The following BBS9 variants were observed in gnomAD, a reference collection of about 807,000 sequenced individuals.
BBS9 encodes protein PTHB1.
BBS9 carries 89 observed loss-of-function variants against 117.7 expected under a neutral mutation model. That is an observed-to-expected ratio of 0.76 (90% CI 0.64 to 0.90). The LOEUF is 0.90. BBS9 is among the 40% of genes least tolerant of loss of function. The pLI is 0.00. For missense variants in BBS9, 982 were observed against 1,042.2 expected, an observed-to-expected ratio of 0.94 and a Z score of 0.80; for synonymous variants, 379 against 370.9, an observed-to-expected ratio of 1.02 and a Z score of -0.25.
intron 19 of BBS9, among the ~76,000 whole-genome samples, chr7:33,403,567 T>C (rs1016148905): frequency 6.7e-6 from 1 of 149,656 alleles, no homozygotes; most frequent in African/African-American, 2.5e-5. Flanking sequence ...CATGTGGTGT[T>C]TGGTTTTTTG....
At chr7:33,306,332 A>C (rs1807948290) in intron 9 of BBS9, among the ~76,000 whole-genome samples, 3 of 152,008 alleles carry the variant, frequency 2.0e-5, no homozygotes, top group Non-Finnish European at 4.4e-5. Context: ...TAAGTCACAA[A>C]TCTATAATGA....
intron 9 of BBS9, among the ~76,000 whole-genome samples, chr7:33,313,446 T>C (rs1809753601): frequency 6.6e-6 from 1 of 152,218 alleles, no homozygotes; most frequent in East Asian, 1.9e-4. Flanking sequence ...TTTTCTTTTT[T>C]TCTGGTTAGC....
At chr7:33,539,979 A>C (rs1852021927) in intron 21 of BBS9, among the ~76,000 whole-genome samples, 1 of 152,174 alleles carries the variant, frequency 6.6e-6, no homozygotes. Context: ...GTACAGACTA[A>C]TTTTAGAAGT....
At chr7:33,369,543 C>T (rs1357732401) in intron 17 of BBS9, among the ~76,000 whole-genome samples, 1 of 152,130 alleles carries the variant, frequency 6.6e-6, no homozygotes, top group East Asian at 1.9e-4. Context: ...TGGAATAGGA[C>T]AGGACCTTTT....
chr7:33,153,139 A>T (rs190845881), intron 3 of BBS9, among the ~76,000 whole-genome samples: 183 of 152,350 alleles, frequency 1.2e-3, no homozygotes, highest in Admixed American at 3.8e-3. Context: ...GAAATAAATA[A>T]GAAGTATCTA....
At chr7:33,250,860 G>C (rs1197856991) in intron 5 of BBS9, among the ~76,000 whole-genome samples, 1 of 152,180 alleles carries the variant, frequency 6.6e-6, no homozygotes, top group Non-Finnish European at 1.5e-5. Flanking sequence ...ACAAAGATGA[G>C]TAAGATATGG....
At chr7:33,330,133 C>G (rs1481096585) in intron 9 of BBS9, among the ~76,000 whole-genome samples, 2 of 152,002 alleles carry the variant, frequency 1.3e-5, no homozygotes, top group African/African-American at 4.8e-5. Context: ...CCTGCCTCAG[C>G]CTCCCAAGTA....
chr7:33,205,627 T>A (rs1196885404), intron 5 of BBS9, among the ~76,000 whole-genome samples: 1 of 152,176 alleles, frequency 6.6e-6, no homozygotes, highest in Non-Finnish European at 1.5e-5. Flanking sequence ...GTTCATTGGT[T>A]ATGGGGAACT....
intron 18 of BBS9, among the ~76,000 whole-genome samples, chr7:33,385,846 T>A (rs1050940724): frequency 2.7e-5 from 4 of 149,600 alleles, no homozygotes; most frequent in African/African-American, 9.8e-5. Flanking sequence ...AAACTTTATT[T>A]AAAAATATTT....
chr7:33,484,819 T>C (rs1320423269), intron 19 of BBS9, among the ~76,000 whole-genome samples: 1 of 152,204 alleles, frequency 6.6e-6, no homozygotes, highest in Non-Finnish European at 1.5e-5. Context: ...ATATAACTCC[T>C]TCTGTTATAA....
At chr7:33,210,301 T>C (rs1238604240) in intron 5 of BBS9, among the ~76,000 whole-genome samples, 1 of 152,238 alleles carries the variant, frequency 6.6e-6, no homozygotes, top group Non-Finnish European at 1.5e-5. Flanking sequence ...AGAATCATTT[T>C]GTGACCTAAC....
At chr7:33,630,472 TG>T (rs1865837954) in intron 21 of BBS9, among the ~76,000 whole-genome samples, 1 of 152,196 alleles carries the variant, frequency 6.6e-6, no homozygotes, top group African/African-American at 2.4e-5. Context: ...CCAACTCAAT[TG>T]GATTACTAAA....
At chr7:33,572,616 C>T (rs1858002842) in intron 21 of BBS9, among the ~76,000 whole-genome samples, 1 of 152,044 alleles carries the variant, frequency 6.6e-6, no homozygotes, top group African/African-American at 2.4e-5. Context: ...TACTTTTTCT[C>T]ATTTTGATAA....
intron 1 of BBS9, among the ~76,000 whole-genome samples, chr7:33,143,067 T>G (rs186409162): frequency 1.4e-3 from 213 of 152,296 alleles, no homozygotes; most frequent in African/African-American, 5.0e-3. Flanking sequence ...CCTCCCAGGT[T>G]CATGGCATTC....
chr7:33,476,728 G>C (rs1841854305), intron 19 of BBS9, among the ~76,000 whole-genome samples: 1 of 152,246 alleles, frequency 6.6e-6, no homozygotes, highest in East Asian at 1.9e-4. Context: ...AAAATGGTTT[G>C]TTTTCTTGAT....
chr7:33,574,300 T>G (rs901192831), intron 21 of BBS9, among the ~76,000 whole-genome samples: 3 of 152,194 alleles, frequency 2.0e-5, no homozygotes, highest in Admixed American at 6.6e-5. Flanking sequence ...TCTTTGCCCT[T>G]TCTTCTCACC....
chr7:33,383,637 A>G, intron 17 of BBS9, 29 bp from the exon 18 acceptor site: 2 of 1,574,758 alleles, frequency 1.3e-6, no homozygotes, highest in South Asian at 2.3e-5. Context: ...TGTGTTACTA[A>G]GCATTTTTCC....
chr7:33,548,910 GA>G (rs1356168077), intron 21 of BBS9, among the ~76,000 whole-genome samples: 1 of 150,646 alleles, frequency 6.6e-6, no homozygotes, highest in Non-Finnish European at 1.5e-5. Context: ...TTTCTTCACA[GA>G]ATTGGAAAAA....
chr7:33,244,684 G>A (rs1475984795), intron 5 of BBS9, among the ~76,000 whole-genome samples: 4 of 152,024 alleles, frequency 2.6e-5, no homozygotes, highest in Admixed American at 6.6e-5. Flanking sequence ...AACCCATTGC[G>A]GTATAGAGGT....
Sources: gnomAD v4.1 joint callset for allele counts (sites outside exome capture counted in the v4.1 genomes callset) on GRCh38, gnomAD v4.1.1 for gene constraint, MANE v1.5 for transcripts, NCBI Gene and HGNC (gene_info 2026-07-23, HGNC 2026-07-21) for gene names.